The following GABRB3 variants were observed in gnomAD, a reference collection of about 807,000 sequenced individuals.
GABRB3 encodes gamma-aminobutyric acid type A receptor subunit beta3, also known as gamma-aminobutyric acid receptor subunit beta-3.
Under a neutral mutation model 52.1 loss-of-function variants are expected in GABRB3, and 14 were observed. That is an observed-to-expected ratio of 0.27 (90% CI 0.18 to 0.42). The LOEUF is 0.42. GABRB3 is among the 10% of genes least tolerant of loss of function. The pLI is 1.00. For missense variants in GABRB3, 307 were observed against 609.1 expected, an observed-to-expected ratio of 0.50 and a Z score of 5.22; for synonymous variants, 260 against 232.3, an observed-to-expected ratio of 1.12 and a Z score of -1.08.
At chr15:26,581,432 T>C (rs1890785296) in intron 5 of GABRB3, among the ~76,000 whole-genome samples, 1 of 152,226 alleles carries the variant, frequency 6.6e-6, no homozygotes, top group Non-Finnish European at 1.5e-5. Flanking sequence ...CTCTCCTCTC[T>C]TTAATAAAAC....
At chr15:26,757,934 C>T (rs12324292) in intron 3 of GABRB3, among the ~76,000 whole-genome samples, 51,169 of 152,008 alleles carry the variant, frequency 0.34, 9,141 homozygotes, top group African/African-American at 0.44. Context: ...TACATATTCA[C>T]AAAACCAGTC....
intron 3 of GABRB3, among the ~76,000 whole-genome samples, chr15:26,691,528 A>ATT (rs1405380803): frequency 6.6e-6 from 1 of 152,160 alleles, no homozygotes; most frequent in Non-Finnish European, 1.5e-5. Flanking sequence ...AGGAGGATAG[A>ATT]TAGGAAGCGA....
intron 4 of GABRB3, among the ~76,000 whole-genome samples, chr15:26,596,981 G>C (rs553029315): frequency 6.6e-6 from 1 of 152,118 alleles, no homozygotes; most frequent in South Asian, 2.1e-4. Flanking sequence ...TACAGCAAGG[G>C]GGGCTGAGCA....
chr15:26,683,066 A>T, intron 3 of GABRB3, among the ~76,000 whole-genome samples: 1 of 151,382 alleles, frequency 6.6e-6, no homozygotes, highest in Non-Finnish European at 1.5e-5. Flanking sequence ...CTGCTTCAAA[A>T]CAGACTCCCC....
chr15:26,692,001 T>A (rs759581348), intron 3 of GABRB3, among the ~76,000 whole-genome samples: 4 of 152,244 alleles, frequency 2.6e-5, no homozygotes, highest in Non-Finnish European at 5.9e-5. Flanking sequence ...GATTAGAATT[T>A]ACTGATTCTT....
chr15:26,692,536 T>C (rs59295226), intron 3 of GABRB3, among the ~76,000 whole-genome samples: 10,218 of 152,184 alleles, frequency 0.067, 673 homozygotes, highest in East Asian at 0.41. Flanking sequence ...AAAAAGCAAG[T>C]ATTTTGACTC....
intron 6 of GABRB3, among the ~76,000 whole-genome samples, chr15:26,573,027 G>A (rs1890464975): frequency 6.6e-6 from 1 of 152,146 alleles, no homozygotes; most frequent in African/African-American, 2.4e-5. Context: ...TTAAAAATGT[G>A]AACACAGAAG....
chr15:26,657,733 T>A (rs1382096920), intron 3 of GABRB3, among the ~76,000 whole-genome samples: 1 of 152,174 alleles, frequency 6.6e-6, no homozygotes, highest in Non-Finnish European at 1.5e-5. Context: ...GACAGAAAAG[T>A]CTGACCTAGG....
chr15:26,569,365 C>CT (rs970079018), intron 6 of GABRB3: 40 of 152,208 alleles, frequency 2.6e-4, no homozygotes, highest in African/African-American at 9.2e-4. Context: ...TTGTGTGTGT[C>CT]TGTGTAGAAT....
intron 8 of GABRB3, among the ~76,000 whole-genome samples, chr15:26,548,863 C>A (rs1293019993): frequency 1.3e-5 from 2 of 152,192 alleles, no homozygotes; most frequent in East Asian, 1.9e-4. Flanking sequence ...TGCACTGGAA[C>A]TTTCAACCTT....
At chr15:26,591,312 G>A (rs574331798) in intron 4 of GABRB3, among the ~76,000 whole-genome samples, 32 of 152,292 alleles carry the variant, frequency 2.1e-4, no homozygotes, top group Admixed American at 1.6e-3. Flanking sequence ...TTATCGCTAC[G>A]TAGGGATCAC....
chr15:26,686,762 C>T (rs559815390), intron 3 of GABRB3, among the ~76,000 whole-genome samples: 2 of 152,246 alleles, frequency 1.3e-5, no homozygotes, highest in African/African-American at 4.8e-5. Flanking sequence ...CGCTACCAGG[C>T]CACAGGGCAC....
chr15:26,663,971 C>CA (rs1887626074), intron 3 of GABRB3, among the ~76,000 whole-genome samples: 1 of 152,202 alleles, frequency 6.6e-6, no homozygotes, highest in Non-Finnish European at 1.5e-5. Context: ...ACACTTCAAA[C>CA]AAAATTTAAA....
chr15:26,567,352 T>C (rs1373665336), intron 7 of GABRB3, among the ~76,000 whole-genome samples: 1 of 152,232 alleles, frequency 6.6e-6, no homozygotes, highest in Admixed American at 6.5e-5. Context: ...TCTGCAAGCA[T>C]ATTTTCCCTT....
At chr15:26,732,990 C>T (rs1889972940) in intron 3 of GABRB3, among the ~76,000 whole-genome samples, 1 of 103,058 alleles carries the variant, frequency 9.7e-6, no homozygotes, top group South Asian at 4.9e-4. Context: ...AGAGTAAGAC[C>T]TTGTCTCTAA....
intron 3 of GABRB3, among the ~76,000 whole-genome samples, chr15:26,738,614 G>T (rs182096641): frequency 6.6e-6 from 1 of 152,180 alleles, no homozygotes; most frequent in Admixed American, 6.5e-5. Flanking sequence ...CTCTCACGGC[G>T]CCCTTGCCTG....
At position 26,580,472 on chromosome 15, in the gene GABRB3, C is replaced by T; in HGVS notation, c.545-16G>A. 6.2e-7 allele frequency: 1 copy of T among 1,614,126 alleles called. No homozygotes were observed. The highest frequency in any genetic ancestry group is 8.5e-7 in the Non-Finnish European group (1 of 1,180,014). On this transcript the variant is annotated splice_polypyrimidine_tract_variant and intron_variant, in intron 5 of 8. Coordinates refer to ENST00000311550, the MANE Select transcript of GABRB3 (RefSeq NM_000814.6). The stretch of plus-strand genomic sequence containing the variant: ...GTGTAGCCATCTGCCAAGAGAGAAG[C>T]AGGGAGACAGCAAACATCACCATTT...
intron 6 of GABRB3, among the ~76,000 whole-genome samples, chr15:26,576,035 G>A (rs1378213812): frequency 6.6e-6 from 1 of 152,230 alleles, no homozygotes; most frequent in African/African-American, 2.4e-5. Flanking sequence ...TTTTGCTGGT[G>A]AGCGGGACAC....
intron 4 of GABRB3, among the ~76,000 whole-genome samples, chr15:26,617,802 G>A (rs1297672699): frequency 6.6e-6 from 1 of 152,000 alleles, no homozygotes; most frequent in Non-Finnish European, 1.5e-5. Flanking sequence ...AAGCTGATAA[G>A]CAACTTCAGC....
Sources: allele counts gnomAD v4.1 joint callset (sites outside exome capture counted in the v4.1 genomes callset), GRCh38; gene constraint gnomAD v4.1.1; transcripts MANE v1.5; gene names NCBI Gene and HGNC (gene_info 2026-07-23, HGNC 2026-07-21).